Variants in EXOC2 observed in about 807,000 individuals in gnomAD.
EXOC2 encodes the protein SEC5-like 1.
Under a neutral mutation model 131.8 loss-of-function variants are expected in EXOC2, and 70 were observed. That is an observed-to-expected ratio of 0.53 (90% CI 0.44 to 0.65). The LOEUF is 0.65. Ranked by LOEUF, EXOC2 falls within the 30% of genes least tolerant of loss-of-function variation. The pLI, the probability that EXOC2 is intolerant of heterozygous loss-of-function variation, is 0.00. For missense variants in EXOC2, 923 were observed against 1,108.6 expected (o/e 0.83, Z 2.38); for synonymous variants, 411 against 398.4 (o/e 1.03, Z -0.38).
At chr6:492,883 A>G (rs1763519187) in intron 25 of EXOC2, among the ~76,000 whole-genome samples, 1 of 152,208 alleles carries the variant, frequency 6.6e-6, no homozygotes, top group Admixed American at 6.5e-5. Flanking sequence ...TTCTTTTTCT[A>G]TTGTAGACAG....
chr6:569,799 A>G, intron 13 of EXOC2, among the ~76,000 whole-genome samples: 1 of 152,260 alleles, frequency 6.6e-6, no homozygotes, highest in East Asian at 1.9e-4. Context: ...AGGCATATCC[A>G]ATTCAGCACA....
At chr6:669,059 C>T (rs1763744512) in intron 1 of EXOC2, 1 of 152,290 alleles carries the variant, frequency 6.6e-6, no homozygotes, top group Admixed American at 6.5e-5. Context: ...TATGTTTGCT[C>T]CTCGAGGACA....
intron 23 of EXOC2, among the ~76,000 whole-genome samples, chr6:532,112 A>G (rs1239919641): frequency 1.3e-5 from 2 of 152,144 alleles, no homozygotes; most frequent in Non-Finnish European, 2.9e-5. Flanking sequence ...TCTTTAATAC[A>G]TTTTTTGATG....
intron 21 of EXOC2, among the ~76,000 whole-genome samples, chr6:550,970 A>G (rs561102849): frequency 2.6e-4 from 39 of 152,340 alleles, no homozygotes; most frequent in African/African-American, 9.4e-4. Flanking sequence ...AAAAAACAGA[A>G]AAGCTATTTG....
intron 1 of EXOC2, among the ~76,000 whole-genome samples, chr6:651,197 AT>A (rs536789967): frequency 6.6e-6 from 1 of 150,916 alleles, no homozygotes; most frequent in African/African-American, 2.4e-5. Flanking sequence ...TGCCCAGCTA[AT>A]TTTTTTTTGT....
intron 25 of EXOC2, among the ~76,000 whole-genome samples, chr6:495,309 T>G (rs545269735): frequency 1.3e-5 from 2 of 151,860 alleles, no homozygotes; most frequent in African/African-American, 2.4e-5. Flanking sequence ...GTATTTTTAG[T>G]AGAGACGGGT....
At chr6:642,602 AAG>A (rs1352928763) in intron 1 of EXOC2, among the ~76,000 whole-genome samples, 1 of 152,246 alleles carries the variant, frequency 6.6e-6, no homozygotes, top group Admixed American at 6.5e-5. Flanking sequence ...AAGAACTTAA[AAG>A]AGTCTATAAC....
intron 22 of EXOC2, among the ~76,000 whole-genome samples, chr6:541,405 A>G (rs550548357): frequency 1.3e-5 from 2 of 152,244 alleles, no homozygotes; most frequent in South Asian, 4.1e-4. Context: ...TATGTAAATA[A>G]ACAAGATTAG....
chr6:656,572 C>A lies in EXOC2; in HGVS notation c.-43-18711G>T, dbSNP rs1054812573. The A allele has an allele frequency of 7.5e-6, 12 of 1,591,064 alleles. No homozygotes were observed. The highest frequency in any genetic ancestry group is 3.3e-4 in the Middle Eastern group (2 of 5,978). ...GGCAGATCGTGCACCACGCTGCGAG[C>A]GCGGCCCAGGGACGAGACCAGCTCC... On this transcript the variant is annotated intron_variant, in intron 1 of 27. Coordinates refer to ENST00000230449, the MANE Select transcript of EXOC2 (RefSeq NM_018303.6).
intron 1 of EXOC2, among the ~76,000 whole-genome samples, chr6:692,434 AC>A (rs1221633560): frequency 1.3e-5 from 2 of 152,128 alleles, no homozygotes; most frequent in African/African-American, 4.8e-5. Context: ...CTACAACAGG[AC>A]CTCAGGCTCT....
chr6:569,171 A>G lies in EXOC2; in HGVS notation c.1443+3349T>C, dbSNP rs181069749. ...AAAATGCTGACTCTTAATATTCATC[A>G]ATTATTTGGCTGTTTTAAAGATTTT... On this transcript the variant is annotated intron_variant, in intron 13 of 27. Coordinates refer to ENST00000230449, the MANE Select transcript of EXOC2 (RefSeq NM_018303.6). 4.9e-3 allele frequency among the ~76,000 whole-genome samples: 742 copies of G among 152,272 alleles called. 6 individuals are homozygous for G. Among genetic ancestry groups the G allele is most frequent in the African/African-American group, 0.016 (670 of 41,554 alleles).
chr6:616,878 G>A (rs1761042456), intron 6 of EXOC2, among the ~76,000 whole-genome samples: 1 of 151,732 alleles, frequency 6.6e-6, no homozygotes, highest in African/African-American at 2.4e-5. Context: ...AAGGAGCTAG[G>A]ACTACAGGTA....
At chr6:651,912 C>T (rs142323938) in intron 1 of EXOC2, among the ~76,000 whole-genome samples, 7,528 of 151,460 alleles carry the variant, frequency 0.05, 324 homozygotes, top group African/African-American at 0.12. Flanking sequence ...AAAAACTAGC[C>T]GGGTGCGGTG....
intron 1 of EXOC2, among the ~76,000 whole-genome samples, chr6:657,729 G>T (rs9328342): frequency 0.16 from 23,525 of 148,652 alleles, 2,828 homozygotes; most frequent in African/African-American, 0.33. Context: ...ACACTGGGTA[G>T]TAGCAATCTG....
intron 7 of EXOC2, among the ~76,000 whole-genome samples, chr6:604,692 T>C (rs1305262646): frequency 6.6e-6 from 1 of 151,336 alleles, no homozygotes; most frequent in African/African-American, 2.4e-5. Flanking sequence ...GCGGCCTATC[T>C]CCTCTCTGAA....
At chr6:618,278 T>C (rs1761112198) in intron 5 of EXOC2, among the ~76,000 whole-genome samples, 1 of 152,240 alleles carries the variant, frequency 6.6e-6, no homozygotes, top group Non-Finnish European at 1.5e-5. Context: ...AGCATAATGT[T>C]ATACTTATCA....
At chr6:634,559 G>T (rs1025407349) in intron 2 of EXOC2, among the ~76,000 whole-genome samples, 3 of 152,064 alleles carry the variant, frequency 2.0e-5, no homozygotes, top group Non-Finnish European at 4.4e-5. Context: ...CCAACTTAAA[G>T]AACTATTTAG....
intron 23 of EXOC2, among the ~76,000 whole-genome samples, chr6:513,063 G>T (rs1449622472): frequency 6.6e-6 from 1 of 152,180 alleles, no homozygotes; most frequent in Admixed American, 6.5e-5. Flanking sequence ...ATGTTTCCCA[G>T]CTCCCATTTT....
At chr6:591,391 C>G (rs1194290891) in intron 11 of EXOC2, among the ~76,000 whole-genome samples, 2 of 152,148 alleles carry the variant, frequency 1.3e-5, no homozygotes, top group Admixed American at 6.5e-5. Flanking sequence ...TCCAACCACA[C>G]AGGATTCAGA....
Sources: gnomAD v4.1 joint callset for allele counts (sites outside exome capture counted in the v4.1 genomes callset) on GRCh38, gnomAD v4.1.1 for gene constraint, MANE v1.5 for transcripts, NCBI Gene and HGNC (gene_info 2026-07-23, HGNC 2026-07-21) for gene names.